IL1RAP: variants seen among roughly 807,000 people sequenced by gnomAD.
IL1RAP encodes interleukin 1 receptor accessory protein.
IL1RAP carries 35 observed loss-of-function variants against 60.7 expected under a neutral mutation model. The observed-to-expected ratio is 0.58, with a 90% CI of 0.44 to 0.76. IL1RAP has a LOEUF of 0.76. IL1RAP is among the 30% of genes least tolerant of loss of function. IL1RAP has a pLI of 0.00. For synonymous variants in IL1RAP, 268 were observed against 250.9 expected, an observed-to-expected ratio of 1.07 and a Z score of -0.64; for missense variants, 572 against 693.9, an observed-to-expected ratio of 0.82 and a Z score of 1.97.
At chr3:190,525,687 C>T (rs929740280) in intron 1 of IL1RAP, among the ~76,000 whole-genome samples, 2 of 152,182 alleles carry the variant, frequency 1.3e-5, no homozygotes, top group East Asian at 1.9e-4. Context: ...GGCTCTCGTT[C>T]CCATTAGAAC....
intron 3 of IL1RAP, among the ~76,000 whole-genome samples, chr3:190,573,172 T>G (rs549074435): frequency 1.3e-5 from 2 of 152,114 alleles, no homozygotes; most frequent in African/African-American, 2.4e-5. Context: ...CAGGATACTT[T>G]TATTCTGAAA....
chr3:190,599,235 T>C (rs1729640272), intron 3 of IL1RAP, among the ~76,000 whole-genome samples: 1 of 152,138 alleles, frequency 6.6e-6, no homozygotes, highest in Non-Finnish European at 1.5e-5. Flanking sequence ...CTAGGTTTTC[T>C]CTATTATTGT....
At chr3:190,656,118 G>C (rs201156664), downstream of IL1RAP, 1 of 1,537,184 alleles carries the variant, frequency 6.5e-7, no homozygotes, top group Non-Finnish European at 8.7e-7. Context: ...TGAGCTGGAA[G>C]GGAGAAAAGT....
intron 8 of IL1RAP, among the ~76,000 whole-genome samples, chr3:190,628,667 T>A (rs1222391923): frequency 6.6e-6 from 1 of 152,220 alleles, no homozygotes; most frequent in Non-Finnish European, 1.5e-5. Context: ...ATAACAGCTT[T>A]CTCTTTTTAT....
chr3:190,627,398 T>C lies in IL1RAP; in HGVS notation c.851T>C (p.Ile284Thr), dbSNP rs1732398745. The change falls in exon 8 of 12, where the codon ATT (isoleucine) becomes ACT (threonine). Residue 284 changes from isoleucine to threonine, a missense_variant. Transcript: ENST00000447382. ...MDSRNEVWWT[I>T]DGKKPDDITI... Reference sequence around the variant, plus strand: ...TCTCGCAATGAGGTTTGGTGGACCATTGATGGAAAAAAACCTGATGACATC... The same window carrying C: ...TCTCGCAATGAGGTTTGGTGGACCACTGATGGAAAAAAACCTGATGACATC... 1 of 1,613,848 alleles carries C rather than the reference T, an allele frequency of 6.2e-7. No individual in the cohort carries two copies. Among genetic ancestry groups the C allele is most frequent in the Non-Finnish European group, 8.5e-7 (1 of 1,179,830 alleles).
At chr3:190,597,294 CTTATG>C (rs1391632347) in intron 3 of IL1RAP, among the ~76,000 whole-genome samples, 5 of 152,152 alleles carry the variant, frequency 3.3e-5, no homozygotes, top group Non-Finnish European at 7.4e-5. Flanking sequence ...GATTTATTAA[CTTATG>C]TTATGAAAGG....
intron 9 of IL1RAP, among the ~76,000 whole-genome samples, chr3:190,632,688 G>C (rs1019163722): frequency 6.6e-6 from 1 of 152,140 alleles, no homozygotes; most frequent in Non-Finnish European, 1.5e-5. Flanking sequence ...ATTCAGGTTA[G>C]AAAGGTATCC....
chr3:190,573,088 C>T (rs536699559), intron 3 of IL1RAP, among the ~76,000 whole-genome samples: 13 of 52,208 alleles, frequency 2.5e-4, no homozygotes, highest in East Asian at 2.1e-3. Context: ...TGGTCTCGAT[C>T]TCCTGACCTC....
chr3:190,599,458 C>A (rs1186015988), intron 3 of IL1RAP, among the ~76,000 whole-genome samples: 1 of 151,750 alleles, frequency 6.6e-6, no homozygotes, highest in South Asian at 2.1e-4. Context: ...AGTTCCCAAA[C>A]CATTCTCATT....
In IL1RAP at chr3:190,580,558, A is replaced by G. The variant is rs192866380; in HGVS notation, c.64+16205A>G. Among the ~76,000 whole-genome samples the G allele has an allele frequency of 1.1e-4, 16 of 152,310 alleles. No individual in the cohort carries two copies. In the East Asian group the frequency reaches 2.9e-3, roughly 28 times the overall value. On this transcript the variant is annotated intron_variant, in intron 3 of 11. Transcript: ENST00000447382. ...ATAAGCCAGGCACAGAAGGACAGAC[A>G]CTACATGATGCTATTTACATGAGGA...
At chr3:190,659,392 G>T (rs536497691) in exon 12 of IL1RAP, 23 of 152,144 alleles carry the variant, frequency 1.5e-4, no homozygotes, top group African/African-American at 5.1e-4. Flanking sequence ...GTTATACAGC[G>T]GTCAGAAAGA....
Position 190,644,267 on chromosome 3 carries a change from A to G in IL1RAP, c.1071A>G (p.Thr357=), listed in dbSNP as rs1399815191. 6.2e-7 allele frequency: 1 copy of G among 1,613,582 alleles called. No individual in the cohort carries two copies. The highest frequency in any genetic ancestry group is 1.7e-5 in the Admixed American group (1 of 59,954). ...VKQKVPAPRY[T]VELACGFGAT... ...TTCCAGTGCCAGCTCCAAGATACAC[A>G]GTGGAACTGGCTTGTGGTTTTGGAG... The change falls in exon 10 of 12, where the codon ACA becomes ACG. Residue 357 remains threonine, a synonymous_variant. Transcript: ENST00000447382.
intron 5 of IL1RAP, 54 bp downstream of exon 5, chr3:190,609,235 T>C (rs1392673476): frequency 2.5e-6 from 3 of 1,209,064 alleles, no homozygotes; most frequent in Non-Finnish European, 2.3e-6. Context: ...AAAATGATAA[T>C]GCTTATTTGC....
chr3:190,522,129 C>T (rs547049542), intron 1 of IL1RAP, among the ~76,000 whole-genome samples: 7 of 152,196 alleles, frequency 4.6e-5, no homozygotes, highest in African/African-American at 1.7e-4. Flanking sequence ...CAGAGTGAGA[C>T]AGTGGTGGGG....
chr3:190,625,787 T>G (rs781509450), intron 7 of IL1RAP, among the ~76,000 whole-genome samples: 2 of 152,312 alleles, frequency 1.3e-5, no homozygotes, highest in Non-Finnish European at 2.9e-5. Context: ...TAGGTATGGC[T>G]TTATATAGTC....
rs1034979284 is a variant in IL1RAP at position 190,590,545 on chromosome 3, C to T, written c.65-13583C>T. On this transcript the variant is annotated intron_variant, in intron 3 of 11. Transcript: ENST00000447382. ...GCTGGGATTACAAGGTGTGAGCCAC[C>T]GTGCCTGGCCAGGATTCTTCTTTCC... Among the ~76,000 whole-genome samples, 4 of 152,156 alleles carry T rather than the reference C, an allele frequency of 2.6e-5. No individual in the cohort carries two copies. In the East Asian group the frequency reaches 5.8e-4, roughly 22 times the overall value.
chr3:190,604,327 C>G lies in IL1RAP; in HGVS notation c.264C>G (p.Pro88=), dbSNP rs149694817. ...AGGAGCCAATTAACTTCCGCCTCCC[C>G]GAGAACCGCATTAGTAAGGAGAAAG... ...DLEEPINFRL[P]ENRISKEKDV... Residue 88 remains proline, a synonymous_variant, in exon 4 of 12, where the codon CCC becomes CCG. Coordinates refer to ENST00000447382, the MANE Select transcript of IL1RAP (RefSeq NM_002182.4). 2.0e-5 allele frequency: 32 copies of G among 1,613,842 alleles called. No individual in the cohort carries two copies. Among genetic ancestry groups the G allele is most frequent in the Middle Eastern group, 1.6e-4 (1 of 6,082 alleles).
intron 11 of IL1RAP, among the ~76,000 whole-genome samples, chr3:190,647,873 A>C (rs1220280138): frequency 6.6e-6 from 1 of 152,162 alleles, no homozygotes; most frequent in East Asian, 1.9e-4. Flanking sequence ...TATTTTTTTG[A>C]TTATATAACA....
chr3:190,533,391 C>G (rs1577522613), intron 1 of IL1RAP, among the ~76,000 whole-genome samples: 2 of 152,180 alleles, frequency 1.3e-5, no homozygotes, highest in Admixed American at 1.3e-4. Context: ...AAAGGCCTTT[C>G]CGGCCTTGAG....
Sources: allele counts gnomAD v4.1 joint callset (sites outside exome capture counted in the v4.1 genomes callset), GRCh38; gene constraint gnomAD v4.1.1; transcripts MANE v1.5; gene names NCBI Gene and HGNC (gene_info 2026-07-23, HGNC 2026-07-21).